The following BTBD17 variants were observed in gnomAD, a reference collection of about 807,000 sequenced individuals.
The protein encoded by BTBD17 is BTB/POZ domain-containing protein 17.
A neutral mutation model predicts 36.9 loss-of-function variants in BTBD17; 26 were observed. The observed-to-expected ratio is 0.70, with a 90% CI of 0.52 to 0.98. The LOEUF is 0.98. Among genes scored for constraint, BTBD17 ranks in the 50% least tolerant of loss-of-function variants. The pLI is 0.00. For missense variants in BTBD17, 630 were observed against 691.3 expected (o/e 0.91, Z 0.99); for synonymous variants, 341 against 338.0 (o/e 1.01, Z -0.10).
chr17:74,361,269 G>A (rs1040596260), intron 1 of BTBD17, among the ~76,000 whole-genome samples: 1 of 152,222 alleles, frequency 6.6e-6, no homozygotes, highest in Non-Finnish European at 1.5e-5. Context: ...AGAGGGAGGC[G>A]GGCGGGGGCC....
Position 74,357,039 on chromosome 17 carries a change from C to A in BTBD17, c.1055G>T (p.Arg352Leu). The A allele has an allele frequency of 6.6e-7, 1 of 1,525,606 alleles. No homozygotes were observed. Among genetic ancestry groups the A allele is most frequent in the Admixed American group, 2.1e-5 (1 of 47,776 alleles). 94.5% of individuals were successfully genotyped at this position (1,525,606 alleles called of 1,614,324 possible). A position where few individuals can be genotyped will look rare whatever the true frequency, so the allele number is the denominator to read the frequency against. Residue 352 changes from arginine to leucine, a missense_variant, in exon 3 of 3, where the codon CGC becomes CTC. By Grantham distance (102) the Arg-to-Leu change is moderately radical (BLOSUM62 -2). Transcript: ENST00000375366. The surrounding 1 kb of genome is among the most constrained non-coding windows in gnomAD (Gnocchi z 8.4). ...GAAGAGCACGTTCCAGGTGACCCGG[C>A]GGCCCGCGTCGTGGCCACTCGGGCC... ...QLGPSGHDAG[R>L]RVTWNVLFSP... is the part of the protein sequence containing the mutation.
rs1465607935 is a variant in BTBD17, at chr17:74,359,997, A to G, written c.334T>C (p.Cys112Arg). ...SEAVLQEPQD[C>R]AAVFDKFIRY... ...ATGAACTTGTCGAAGACAGCGGCGC[A>G]GTCCTGTGGCTCCTGCAGCACCGCC... The change falls in exon 2 of 3, where the codon TGC becomes CGC. Residue 112 changes from cysteine to arginine, a missense_variant. Coordinates refer to ENST00000375366, the MANE Select transcript of BTBD17 (RefSeq NM_001080466.2). The G allele has an allele frequency of 6.2e-7, 1 of 1,611,954 alleles. No homozygotes were observed. The highest frequency in any genetic ancestry group is 1.7e-5 in the Admixed American group (1 of 59,990).
upstream of BTBD17, among the ~76,000 whole-genome samples, chr17:74,362,965 C>CGCGTGTGTGT (rs112779081): frequency 4.5e-4 from 66 of 146,006 alleles, no homozygotes; most frequent in South Asian, 4.1e-3. Context: ...AGCGCGCGCG[C>CGCGTGTGTGT]ATGTGTGTGT....
chr17:74,361,996 C>T, upstream of BTBD17: 1 of 572,874 alleles, frequency 1.7e-6, no homozygotes, highest in Non-Finnish European at 3.1e-6. Flanking sequence ...CAGCTGTTGC[C>T]CAGGCAACCA....
rs756315841 is a variant in BTBD17 at position 74,357,547 on chromosome 17, C to G, written c.547G>C (p.Ala183Pro). ...AACTGCAGGCAGCTCTCGCGCAGGG[C>G]CTCGTCCCCGGTGCCCACCGCGTAG... ...YHYAVGTGDE[A>P]LRESCLQFLA... is the part of the protein sequence containing the mutation. Residue 183 changes from alanine (A) to proline (P), a missense_variant, in exon 3 of 3, where the codon GCC becomes CCC. Transcript: ENST00000375366. The surrounding 1 kb of genome is among the most constrained non-coding windows in gnomAD (Gnocchi z 8.4). The G allele has an allele frequency of 6.4e-7, 1 of 1,555,062 alleles. No individual in the cohort carries two copies. The highest frequency in any genetic ancestry group is 2.4e-5 in the East Asian group (1 of 41,894).
At chr17:74,358,362 T>G (rs2054912689) in intron 2 of BTBD17, among the ~76,000 whole-genome samples, 1 of 151,788 alleles carries the variant, frequency 6.6e-6, no homozygotes, top group African/African-American at 2.4e-5. Context: ...TAGTCATGTG[T>G]GGTGGTGCAC....
At chr17:74,358,456 T>G (rs1452638063) in intron 2 of BTBD17, among the ~76,000 whole-genome samples, 1 of 145,966 alleles carries the variant, frequency 6.9e-6, no homozygotes, top group Non-Finnish European at 1.5e-5. Context: ...GCTATGATCA[T>G]CATGCCACGA....
Position 74,357,076 on chromosome 17 carries a change from G to A in BTBD17, c.1018C>T (p.Gln340Ter). The change falls in exon 3 of 3, where the codon CAG (glutamine) becomes TAG (stop). Residue 340 changes from glutamine (Q) to a stop codon, truncating the protein, a stop_gained. Coordinates refer to ENST00000375366, the MANE Select transcript of BTBD17 (RefSeq NM_001080466.2). LOFTEE classifies it high-confidence loss of function. This position sits in a 1 kb window ranked among gnomAD's most constrained non-coding sequence, Gnocchi z 8.4. ...PARDDRSTSFQTQLGPSGHDA... is the reference protein window; with the variant it reads ...PARDDRSTSF ...TGGCCACTCGGGCCCAGCTGCGTCT[G>A]GAAGCTGGTGCTGCGGTCGTCGCGG... The A allele has an allele frequency of 6.5e-7, 1 of 1,534,056 alleles. No homozygotes were observed. The highest frequency in any genetic ancestry group is 2.0e-5 in the Admixed American group (1 of 49,062).
chr17:74,357,769 G>A lies in BTBD17; in HGVS notation c.363-38C>T, dbSNP rs968419610. On this transcript the variant is annotated intron_variant, in intron 2 of 2. Coordinates refer to ENST00000375366, the MANE Select transcript of BTBD17 (RefSeq NM_001080466.2). The surrounding 1 kb of genome is among the most constrained non-coding windows in gnomAD (Gnocchi z 8.4). ...CCGAGAGGTGGGGCGGGGTCAGGGCGGTACCCACCTCCCAGGATAGATTTT... is the reference window on the plus strand; with the variant it reads ...CCGAGAGGTGGGGCGGGGTCAGGGCAGTACCCACCTCCCAGGATAGATTTT... The A allele has an allele frequency of 2.0e-6, 3 of 1,469,480 alleles. No homozygotes were observed. Among genetic ancestry groups the A allele is most frequent in the African/African-American group, 2.8e-5 (2 of 70,596 alleles). 91.0% of individuals were successfully genotyped at this position (1,469,480 alleles called of 1,614,324 possible).
chr17:74,360,363 G>A, intron 1 of BTBD17, 118 bp from the exon 2 acceptor site: 1 of 1,099,456 alleles, frequency 9.1e-7, no homozygotes, highest in East Asian at 2.6e-5. Flanking sequence ...GGGCAAGGTG[G>A]GCCTAGGCGG....
upstream of BTBD17, among the ~76,000 whole-genome samples, chr17:74,362,746 G>T (rs1320764238): frequency 2.0e-5 from 3 of 152,192 alleles, no homozygotes; most frequent in East Asian, 5.8e-4. Flanking sequence ...TCCTTGGAAG[G>T]CTTGTTTTAC....
intron 2 of BTBD17, 35 bp downstream of exon 2, chr17:74,359,934 G>T: frequency 6.3e-7 from 1 of 1,588,168 alleles, no homozygotes; most frequent in South Asian, 1.1e-5. Flanking sequence ...GCTGAGGAAG[G>T]GATGAAGCCA....
chr17:74,356,593 C>G lies in BTBD17; in HGVS notation c.*64G>C. On this transcript the variant is annotated 3_prime_UTR_variant, in exon 3 of 3. Transcript: ENST00000375366. This position sits in a 1 kb window ranked among gnomAD's most constrained non-coding sequence, Gnocchi z 4.3. ...CCAGGCTTGTTGCCACCTCCAGGCT[C>G]GCCTTGCCCTTCCCAGACCCACAGG... 7.3e-7 allele frequency: 1 copy of G among 1,377,308 alleles called. No homozygotes were observed. The highest frequency in any genetic ancestry group is 9.4e-7 in the Non-Finnish European group (1 of 1,062,150). 85.3% of individuals were successfully genotyped at this position (1,377,308 alleles called of 1,614,324 possible). A position where few individuals can be genotyped will look rare whatever the true frequency, so the allele number is the denominator to read the frequency against.
upstream of BTBD17, among the ~76,000 whole-genome samples, chr17:74,362,660 G>C (rs2054947826): frequency 6.6e-6 from 1 of 152,236 alleles, no homozygotes; most frequent in Admixed American, 6.5e-5. Context: ...CCAGCCCAAG[G>C]CTGGGGACTG....
At chr17:74,360,959 G>A (rs2054934070) in intron 1 of BTBD17, among the ~76,000 whole-genome samples, 1 of 152,178 alleles carries the variant, frequency 6.6e-6, no homozygotes. Flanking sequence ...AGAGGGGCGG[G>A]TGTGAGACGA....
Position 74,360,241 on chromosome 17 carries a change from C to T in BTBD17, c.90G>A (p.Gln30=), listed in dbSNP as rs764969330. ...TLVGLVTHAA[Q]RADVGGEAAG... ...CTGCCTCCCCGCCAACATCGGCTCT[C>T]TGTGCTGCAGCAGGAAGGAACACAG... The change falls in exon 2 of 3, where the codon CAG becomes CAA. Residue 30 remains glutamine (Q), a synonymous_variant. Transcript: ENST00000375366. 1.1e-5 allele frequency: 18 copies of T among 1,603,602 alleles called. No homozygotes were observed. The highest frequency in any genetic ancestry group is 8.5e-7 in the Non-Finnish European group (1 of 1,174,010).
Position 74,356,600 on chromosome 17 carries a change from C to T in BTBD17, c.*57G>A, listed in dbSNP as rs2054890267. On this transcript the variant is annotated 3_prime_UTR_variant, in exon 3 of 3. Transcript: ENST00000375366. The surrounding 1 kb of genome is among the most constrained non-coding windows in gnomAD (Gnocchi z 4.3). The stretch of plus-strand genomic sequence containing the variant: ...TGTTGCCACCTCCAGGCTCGCCTTG[C>T]CCTTCCCAGACCCACAGGGACCACC... 2 of 1,387,644 alleles carry T rather than the reference C, an allele frequency of 1.4e-6. No homozygotes were observed. The highest frequency in any genetic ancestry group is 1.9e-5 in the South Asian group (1 of 52,376). The allele number at this position is 1,387,644 out of a possible 1,614,324, so 86.0% of individuals were successfully genotyped here.
intron 1 of BTBD17, 134 bp downstream of exon 1, chr17:74,361,601 C>T (rs1005920575): frequency 2.1e-5 from 14 of 667,232 alleles, no homozygotes; most frequent in South Asian, 3.9e-5. Flanking sequence ...CAGATGAGTC[C>T]GTGGAGCTGT....
Position 74,356,986 on chromosome 17 carries a change from G to T in BTBD17, c.1108C>A (p.Arg370=). The T allele has an allele frequency of 6.8e-7, 1 of 1,468,462 alleles. No homozygotes were observed. Among genetic ancestry groups the T allele is most frequent in the Non-Finnish European group, 8.9e-7 (1 of 1,120,528 alleles). The allele number at this position is 1,468,462 out of a possible 1,614,324, so 91.0% of individuals were successfully genotyped here. ...FSPRWLPVSL[R]PVYADAAGTA... ...CCCGCGGCGTCCGCGTAAACGGGCC[G>T]CAGGCTGACGGGCAGCCAGCGCGGC... Residue 370 remains arginine, a synonymous_variant, in exon 3 of 3, where the codon CGG becomes AGG. Transcript: ENST00000375366. This position sits in a 1 kb window ranked among gnomAD's most constrained non-coding sequence, Gnocchi z 4.3.
Sources: allele counts gnomAD v4.1 joint callset (sites outside exome capture counted in the v4.1 genomes callset), GRCh38; gene constraint gnomAD v4.1.1; non-coding constraint Gnocchi (gnomAD v3.1); transcripts MANE v1.5; gene names NCBI Gene and HGNC (gene_info 2026-07-23, HGNC 2026-07-21).